PCP4: variants seen among roughly 807,000 people sequenced by gnomAD.
PCP4 encodes the protein calmodulin regulator protein PCP4.
A neutral mutation model predicts 10.0 loss-of-function variants in PCP4; 8 were observed. That is an observed-to-expected ratio of 0.80 (90% confidence interval 0.47 to 1.45). PCP4 has a LOEUF of 1.45. PCP4 is among the 40% of genes most tolerant of loss of function. The probability of loss-of-function intolerance (pLI) is 0.00; values close to 1 mark genes in which losing one functional copy is unlikely to be tolerated. For synonymous variants in PCP4, 21 were observed against 23.0 expected, an observed-to-expected ratio of 0.91 and a Z score of 0.24; for missense variants, 54 against 74.4, an observed-to-expected ratio of 0.73 and a Z score of 1.01.
chr21:39,910,103 C>T (rs1473953566), intron 2 of PCP4, among the ~76,000 whole-genome samples: 1 of 152,178 alleles, frequency 6.6e-6, no homozygotes, highest in Non-Finnish European at 1.5e-5. Context: ...CTCTACTATT[C>T]TACCATCCCA....
At position 39,906,493 on chromosome 21, in the gene PCP4, C is replaced by T. The variant is rs772214911; in HGVS notation, c.61+7966C>T. 6.6e-6 allele frequency among the ~76,000 whole-genome samples: 1 copy of T among 152,106 alleles called. No individual in the cohort carries two copies. The highest frequency in any genetic ancestry group is 1.5e-5 in the Non-Finnish European group (1 of 68,016). On this transcript the variant is annotated intron_variant, in intron 2 of 2. Coordinates refer to ENST00000328619, the MANE Select transcript of PCP4 (RefSeq NM_006198.3). The surrounding 1 kb of genome is among the most constrained non-coding windows in gnomAD (Gnocchi z 6.3). ...AAAGCAACATGTTCATTTATAGCCT[C>T]TTCATATTTCACCTGCCCTCTTCCT...
intron 1 of PCP4, among the ~76,000 whole-genome samples, chr21:39,880,858 A>G (rs2087372299): frequency 6.6e-6 from 1 of 152,210 alleles, no homozygotes; most frequent in Non-Finnish European, 1.5e-5. Flanking sequence ...TCCCTGGAAA[A>G]CAATGTTTAA....
rs532686277 is a variant in PCP4, at chr21:39,917,302, C to T, written c.62-11682C>T. ...CCAGAGAAACCCAGTACCTCTGCCT[C>T]AGGGCTTACCAGAAGGTGGGATCTT... On this transcript the variant is annotated intron_variant, in intron 2 of 2. Coordinates refer to ENST00000328619, the MANE Select transcript of PCP4 (RefSeq NM_006198.3). Among the ~76,000 whole-genome samples, 3 of 152,338 alleles carry T rather than the reference C, an allele frequency of 2.0e-5. No homozygotes were observed. In the South Asian group the frequency reaches 6.2e-4, roughly 32 times the overall value.
At chr21:39,914,942 T>C (rs2087561717) in intron 2 of PCP4, among the ~76,000 whole-genome samples, 1 of 152,058 alleles carries the variant, frequency 6.6e-6, no homozygotes, top group Admixed American at 6.5e-5. Flanking sequence ...AAAGGAAAAC[T>C]CCAATTATTC....
intron 2 of PCP4, among the ~76,000 whole-genome samples, chr21:39,905,414 T>A (rs1366409972): frequency 6.6e-6 from 1 of 152,200 alleles, no homozygotes; most frequent in African/African-American, 2.4e-5. Context: ...GACATTGGAA[T>A]TGCTTATTAA....
chr21:39,905,757 A>G (rs998897081), intron 2 of PCP4, among the ~76,000 whole-genome samples: 2 of 152,126 alleles, frequency 1.3e-5, no homozygotes, highest in African/African-American at 4.8e-5. Flanking sequence ...TGCATAGTTT[A>G]AAAAAATGTG....
intron 1 of PCP4, among the ~76,000 whole-genome samples, chr21:39,886,515 G>GA (rs1262053453): frequency 6.6e-6 from 1 of 152,226 alleles, no homozygotes; most frequent in Non-Finnish European, 1.5e-5. Flanking sequence ...TGAGGCAGGA[G>GA]AATTGCTTGA....
rs572115592 is a variant in PCP4 at position 39,889,015 on chromosome 21, C to G, written c.10-9461C>G. Reference sequence around the variant, plus strand: ...TGCCGTAGCCGTGAGAGGCTGACAGCAAGACTGGGAGGAGCCCATTTCACT... The same window carrying G: ...TGCCGTAGCCGTGAGAGGCTGACAGGAAGACTGGGAGGAGCCCATTTCACT... On this transcript the variant is annotated intron_variant, in intron 1 of 2. Coordinates refer to ENST00000328619, the MANE Select transcript of PCP4 (RefSeq NM_006198.3). Among the ~76,000 whole-genome samples, 38 of 152,304 alleles carry G rather than the reference C, an allele frequency of 2.5e-4. 1 individual carries two copies. The South Asian group carries it at 7.7e-3, about 31-fold the overall frequency.
At chr21:39,886,973 T>A (rs2087403346) in intron 1 of PCP4, among the ~76,000 whole-genome samples, 1 of 152,192 alleles carries the variant, frequency 6.6e-6, no homozygotes, top group Non-Finnish European at 1.5e-5. Flanking sequence ...CATATCCTAC[T>A]TTTGCAAATA....
intron 1 of PCP4, among the ~76,000 whole-genome samples, chr21:39,872,976 G>A (rs2087327622): frequency 6.6e-6 from 1 of 152,260 alleles, no homozygotes; most frequent in South Asian, 2.1e-4. Flanking sequence ...AAAATAAGAA[G>A]GATCTCAACA....
At chr21:39,870,861 G>T (rs2087316223) in intron 1 of PCP4, among the ~76,000 whole-genome samples, 1 of 152,178 alleles carries the variant, frequency 6.6e-6, no homozygotes, top group South Asian at 2.1e-4. Context: ...TCTTGCTTTG[G>T]CGTGGATGGG....
intron 2 of PCP4, among the ~76,000 whole-genome samples, chr21:39,924,231 G>A (rs936650415): frequency 1.4e-4 from 22 of 152,206 alleles, no homozygotes; most frequent in African/African-American, 4.3e-4. Flanking sequence ...GCCCAGTACA[G>A]TGTGGCCTGT....
chr21:39,875,543 C>T (rs531045861), intron 1 of PCP4, among the ~76,000 whole-genome samples: 37 of 152,328 alleles, frequency 2.4e-4, no homozygotes, highest in Admixed American at 1.2e-3. Context: ...AGATCTTCTC[C>T]TTAAAACAAT....
intron 2 of PCP4, among the ~76,000 whole-genome samples, chr21:39,919,835 T>C (rs1442987178): frequency 6.6e-6 from 1 of 150,484 alleles, no homozygotes; most frequent in Non-Finnish European, 1.5e-5. Context: ...TTTGTGTGTT[T>C]TGTGTGTGTA....
At chr21:39,915,344 G>A (rs879770201) in intron 2 of PCP4, among the ~76,000 whole-genome samples, 7 of 152,154 alleles carry the variant, frequency 4.6e-5, no homozygotes, top group Non-Finnish European at 7.3e-5. Context: ...GCAGTTCAGG[G>A]AAGGAAATGA....
chr21:39,925,682 C>T (rs1234944437), intron 2 of PCP4, among the ~76,000 whole-genome samples: 1 of 152,172 alleles, frequency 6.6e-6, no homozygotes, highest in African/African-American at 2.4e-5. Context: ...CCCCAGCAGG[C>T]GTGGCCGAGG....
intron 1 of PCP4, among the ~76,000 whole-genome samples, chr21:39,881,413 G>C (rs1253107225): frequency 6.6e-6 from 1 of 152,130 alleles, no homozygotes; most frequent in Non-Finnish European, 1.5e-5. Context: ...CATAGGAAAA[G>C]GGTTTGCATG....
chr21:39,929,201 C>T lies in PCP4; in HGVS notation c.*90C>T. 7.8e-7 allele frequency: 1 copy of T among 1,286,614 alleles called. No homozygotes were observed. The highest frequency in any genetic ancestry group is 1.1e-6 in the Non-Finnish European group (1 of 925,034). The allele number at this position is 1,286,614 out of a possible 1,614,324, so 79.7% of individuals were successfully genotyped here. ...AAAGAACAACACCCTAGAGAGAAGT[C>T]ATCCACACACAATCCACACACGCAT... is the stretch of plus-strand genomic sequence containing the variant. On this transcript the variant is annotated 3_prime_UTR_variant, in exon 3 of 3. Transcript: ENST00000328619.
chr21:39,897,819 G>A (rs1307708864), intron 1 of PCP4, among the ~76,000 whole-genome samples: 1 of 152,118 alleles, frequency 6.6e-6, no homozygotes, highest in Admixed American at 6.5e-5. Context: ...GGCTGAGGTG[G>A]ATGGATTATG....
Sources: gnomAD v4.1 joint callset for allele counts (sites outside exome capture counted in the v4.1 genomes callset) on GRCh38, gnomAD v4.1.1 for gene constraint, Gnocchi (gnomAD v3.1) non-coding constraint, MANE v1.5 for transcripts, NCBI Gene and HGNC (gene_info 2026-07-23, HGNC 2026-07-21) for gene names.